The following MPZL1 variants were observed in gnomAD, a reference collection of about 807,000 sequenced individuals.
The protein encoded by MPZL1 is myelin protein zero like 1.
MPZL1 carries 16 observed loss-of-function variants against 29.3 expected under a neutral mutation model. The ratio of observed to expected loss-of-function variants is 0.55; its 90% CI spans 0.37 to 0.83. The LOEUF (loss-of-function observed/expected upper bound fraction) is 0.83, where lower values mean the gene tolerates loss of function less well. Among genes scored for constraint, MPZL1 ranks in the 40% least tolerant of loss-of-function variants. The pLI is 0.00. For synonymous variants in MPZL1, 143 were observed against 132.0 expected (o/e 1.08, Z -0.57); for missense variants, 279 against 332.9 (o/e 0.84, Z 1.26).
At chr1:167,744,940 A>G (rs1257137288) in intron 1 of MPZL1, among the ~76,000 whole-genome samples, 1 of 152,132 alleles carries the variant, frequency 6.6e-6, no homozygotes, top group Non-Finnish European at 1.5e-5. Context: ...CCACTGCAAA[A>G]TTTGGTTAAG....
At chr1:167,725,338 GTGGC>G in intron 1 of MPZL1, among the ~76,000 whole-genome samples, 1 of 152,242 alleles carries the variant, frequency 6.6e-6, no homozygotes, top group African/African-American at 2.4e-5. Flanking sequence ...CTGGAATGCA[GTGGC>G]ACAATCTCGG....
At chr1:167,725,553 T>A (rs1660126424) in intron 1 of MPZL1, among the ~76,000 whole-genome samples, 1 of 152,188 alleles carries the variant, frequency 6.6e-6, no homozygotes, top group African/African-American at 2.4e-5. Context: ...TAGCGTGATC[T>A]CGGCTCACCA....
intron 1 of MPZL1, among the ~76,000 whole-genome samples, chr1:167,748,272 G>A (rs1304218448): frequency 6.6e-6 from 1 of 152,158 alleles, no homozygotes; most frequent in Non-Finnish European, 1.5e-5. Flanking sequence ...AATGTAGAGA[G>A]TTCTAATTTC....
At chr1:167,784,391 GT>G (rs1331449985) in intron 5 of MPZL1, among the ~76,000 whole-genome samples, 1 of 152,160 alleles carries the variant, frequency 6.6e-6, no homozygotes, top group Non-Finnish European at 1.5e-5. Flanking sequence ...GGGAGGGTGA[GT>G]ACCAAGAGAT....
chr1:167,750,223 G>A (rs926560175), intron 1 of MPZL1, among the ~76,000 whole-genome samples: 8 of 149,550 alleles, frequency 5.3e-5, no homozygotes, highest in African/African-American at 2.0e-4. Context: ...TTTTTGAGAC[G>A]GAGTTTTGCT....
chr1:167,766,052 A>G (rs1035491424), intron 2 of MPZL1, among the ~76,000 whole-genome samples: 3 of 151,982 alleles, frequency 2.0e-5, no homozygotes, highest in Non-Finnish European at 4.4e-5. Context: ...TTATTGCCCC[A>G]TATTTATTGA....
At chr1:167,781,392 T>C (rs1187470642) in intron 5 of MPZL1, among the ~76,000 whole-genome samples, 1 of 152,152 alleles carries the variant, frequency 6.6e-6, no homozygotes, top group Admixed American at 6.5e-5. Context: ...GTTGGAATCA[T>C]ATAGAGTACG....
chr1:167,754,773 G>A lies in MPZL1; in HGVS notation c.92-10810G>A, dbSNP rs545448322. On this transcript the variant is annotated intron_variant, in intron 1 of 5. Transcript: ENST00000359523. ...ATTACATGTTTCAAATCACCTGGGG[G>A]CCTTTTAAAAATCCTGATACCCAGG... is the stretch of plus-strand genomic sequence containing the variant. 2.2e-4 allele frequency among the ~76,000 whole-genome samples: 33 copies of A among 152,270 alleles called. No homozygotes were observed. The South Asian group carries it at 6.0e-3, about 28-fold the overall frequency.
chr1:167,755,166 G>A (rs1571151991), intron 1 of MPZL1, among the ~76,000 whole-genome samples: 1 of 152,118 alleles, frequency 6.6e-6, no homozygotes, highest in South Asian at 2.1e-4. Flanking sequence ...GTTTCAGTAG[G>A]CATCAGTATT....
intron 1 of MPZL1, among the ~76,000 whole-genome samples, chr1:167,756,183 C>T (rs1282711354): frequency 6.6e-6 from 1 of 151,930 alleles, no homozygotes; most frequent in East Asian, 1.9e-4. Flanking sequence ...CAGTCTCACT[C>T]TGTCACACAG....
In MPZL1 at chr1:167,773,288, G is replaced by T. The variant is rs1434930443; in HGVS notation, c.525G>T (p.Val175=). 1 of 1,613,284 alleles carries T rather than the reference G, an allele frequency of 6.2e-7. No individual in the cohort carries two copies. The highest frequency in any genetic ancestry group is 8.5e-7 in the Non-Finnish European group (1 of 1,179,396). The change falls in exon 4 of 6, where the codon GTG becomes GTT. Residue 175 remains valine (V), a synonymous_variant. Transcript: ENST00000359523. ...TAGTGGTGGGCATAGTTACTGCTGT[G>T]GTCCTAGGTCTCACTCTGCTCATCA... ...VWVVVGIVTA[V]VLGLTLLISM... is the part of the protein sequence containing the mutation.
Position 167,773,350 on chromosome 1 carries a change from C to CTA in MPZL1, c.588_589dup (p.Lys197IlefsTer32). 6.2e-7 allele frequency: 1 copy of CTA among 1,613,894 alleles called. No homozygotes were observed. Among genetic ancestry groups the CTA allele is most frequent in the Non-Finnish European group, 8.5e-7 (1 of 1,179,896 alleles). ...GCTGTCCTCTATAGAAGGAAAAACT[C>CTA]TAAACGGGATTACACTGGGTAAGAA... is the stretch of plus-strand genomic sequence containing the variant. On this transcript the variant is annotated frameshift_variant, in exon 4 of 6. Coordinates refer to ENST00000359523, the MANE Select transcript of MPZL1 (RefSeq NM_003953.6). LOFTEE classifies it high-confidence loss of function.
At chr1:167,744,848 C>G (rs1252995191) in intron 1 of MPZL1, among the ~76,000 whole-genome samples, 1 of 152,054 alleles carries the variant, frequency 6.6e-6, no homozygotes, top group Admixed American at 6.6e-5. Flanking sequence ...AAGATCAAAA[C>G]AGAATAATGT....
At chr1:167,770,283 G>C (rs1039708199) in intron 2 of MPZL1, among the ~76,000 whole-genome samples, 2 of 152,164 alleles carry the variant, frequency 1.3e-5, no homozygotes, top group African/African-American at 4.8e-5. Context: ...CCATCACCCC[G>C]TCCATTAACC....
chr1:167,748,539 T>C (rs1660694187), intron 1 of MPZL1, among the ~76,000 whole-genome samples: 1 of 152,238 alleles, frequency 6.6e-6, no homozygotes, highest in Non-Finnish European at 1.5e-5. Context: ...AAGTCTCATA[T>C]ATGATTTGCA....
In MPZL1 at chr1:167,773,351, T is replaced by C. The variant is rs1310880210; in HGVS notation, c.588T>C (p.Ser196=). 1 of 1,613,982 alleles carries C rather than the reference T, an allele frequency of 6.2e-7. No individual in the cohort carries two copies. Among genetic ancestry groups the C allele is most frequent in the South Asian group, 1.1e-5 (1 of 91,064 alleles). The change falls in exon 4 of 6, where the codon TCT becomes TCC. Residue 196 remains serine (S), a synonymous_variant. Transcript: ENST00000359523. ...CTGTCCTCTATAGAAGGAAAAACTC[T>C]AAACGGGATTACACTGGGTAAGAAA... ...ILAVLYRRKN[S]KRDYTGCSTS... is the part of the protein sequence containing the mutation.
chr1:167,775,631 G>T (rs1419158087), intron 4 of MPZL1, among the ~76,000 whole-genome samples: 2 of 152,170 alleles, frequency 1.3e-5, no homozygotes, highest in East Asian at 3.8e-4. Context: ...ACATTCAGAA[G>T]AGGTTTGCCT....
chr1:167,783,609 G>C (rs186004187), intron 5 of MPZL1, among the ~76,000 whole-genome samples: 14 of 152,328 alleles, frequency 9.2e-5, no homozygotes, highest in African/African-American at 3.4e-4. Context: ...GTCCTCCAGG[G>C]TAAGTTCTTC....
In MPZL1 at chr1:167,778,424, T is replaced by TG. The variant is rs34003536; in HGVS notation, c.708+2258_708+2259insG. On this transcript the variant is annotated intron_variant, in intron 5 of 5. Transcript: ENST00000359523. ...CTGTAGTCCCAGCTACTTGAAAGCC[T>TG]AAGTGGGAGGATTGCTTGAGCCCAA... Among the ~76,000 whole-genome samples, 156 of 151,282 alleles carry TG rather than the reference T, an allele frequency of 1.0e-3. 1 individual carries two copies. Among genetic ancestry groups the TG allele is most frequent in the Non-Finnish European group, 1.9e-3 (126 of 67,730 alleles).
Sources: gnomAD v4.1 joint callset for allele counts (sites outside exome capture counted in the v4.1 genomes callset) on GRCh38, gnomAD v4.1.1 for gene constraint, MANE v1.5 for transcripts, NCBI Gene and HGNC (gene_info 2026-07-23, HGNC 2026-07-21) for gene names.